MBNL3: variants seen among roughly 807,000 people sequenced by gnomAD.
The protein encoded by MBNL3 is muscleblind-like protein 3.
In MBNL3, 6 loss-of-function variants were observed where a neutral mutation model predicts 24.5. The ratio of observed to expected loss-of-function variants is 0.25; its 90% CI spans 0.13 to 0.48. MBNL3 has a LOEUF of 0.48. Among genes scored for constraint, MBNL3 ranks in the 20% least tolerant of loss-of-function variants. MBNL3 has a pLI of 0.99. For missense variants in MBNL3, 230 were observed against 293.5 expected, an observed-to-expected ratio of 0.78 and a Z score of 1.58; for synonymous variants, 100 against 101.7, an observed-to-expected ratio of 0.98 and a Z score of 0.10.
At chrX:132,382,407 G>T in intron 7 of MBNL3, 135 bp from the exon 8 acceptor site, 2 of 428,159 alleles carry the variant, frequency 4.7e-6, no homozygotes, top group Non-Finnish European at 8.1e-6. Context: ...AATACATCAG[G>T]GTGTTCATGC....
intron 1 of MBNL3, among the ~76,000 whole-genome samples, chrX:132,454,239 AC>A (rs753334899): frequency 2.7e-4 from 29 of 109,130 alleles, no homozygotes; most frequent in Non-Finnish European, 4.9e-4. Flanking sequence ...ACACACACAC[AC>A]ACACACATAC....
In MBNL3 at chrX:132,379,160, C is replaced by T. The variant is rs1934423514; in HGVS notation, c.*506G>A. On this transcript the variant is annotated 3_prime_UTR_variant, in exon 9 of 9. Coordinates refer to ENST00000370853, the MANE Select transcript of MBNL3 (RefSeq NM_001386889.1). ...ACCACACATATACAGCAAAACACTA[C>T]AGTATGTAAAAACCTAACACAGCAC... 1 of 112,977 alleles carries T rather than the reference C, an allele frequency of 8.9e-6. No homozygotes were observed. The highest frequency in any genetic ancestry group is 9.4e-5 in the Admixed American group (1 of 10,610). 9.3% of individuals were successfully genotyped at this position (112,977 alleles called of 1,213,427 possible).
Position 132,375,115 on chromosome X carries a change from C to T in MBNL3, c.*4551G>A, listed in dbSNP as rs1411893712. ...CCTTTGGGATTAAAAAAGAACTCAACCATGTCTGTTTTCATAGTTTTGAGC... is the reference window on the plus strand; with the variant it reads ...CCTTTGGGATTAAAAAAGAACTCAATCATGTCTGTTTTCATAGTTTTGAGC... On this transcript the variant is annotated 3_prime_UTR_variant, in exon 9 of 9. Transcript: ENST00000370853. 2 of 111,210 alleles carry T rather than the reference C, an allele frequency of 1.8e-5. No individual in the cohort carries two copies. Among genetic ancestry groups the T allele is most frequent in the African/African-American group, 6.5e-5 (2 of 30,696 alleles). The allele number at this position is 111,210 out of a possible 1,213,427, so 9.2% of individuals were successfully genotyped here.
chrX:132,420,180 G>T (rs760106555), intron 2 of MBNL3, among the ~76,000 whole-genome samples: 1 of 112,100 alleles, frequency 8.9e-6, no homozygotes, highest in East Asian at 2.8e-4. Context: ...GTGGAACCCA[G>T]CAACTAGTGT....
At chrX:132,436,792 T>G (rs1336133530) in intron 2 of MBNL3, among the ~76,000 whole-genome samples, 1 of 112,286 alleles carries the variant, frequency 8.9e-6, no homozygotes, top group Non-Finnish European at 1.9e-5. Flanking sequence ...TTGTTTAATG[T>G]GCTATCTAAA....
chrX:132,389,007 G>A, intron 5 of MBNL3, among the ~76,000 whole-genome samples: 1 of 111,407 alleles, frequency 9.0e-6, no homozygotes, highest in Admixed American at 9.6e-5. Flanking sequence ...ACAATTGAAG[G>A]CCTATGATAT....
intron 1 of MBNL3, among the ~76,000 whole-genome samples, chrX:132,471,495 C>T (rs2770688): frequency 3.6e-5 from 4 of 110,431 alleles, no homozygotes; most frequent in Admixed American, 1.9e-4. Flanking sequence ...GACCAGCCTG[C>T]GCAACATAGC....
intron 2 of MBNL3, among the ~76,000 whole-genome samples, chrX:132,434,237 C>A (rs1944973316): frequency 8.9e-6 from 1 of 112,138 alleles, no homozygotes; most frequent in African/African-American, 3.2e-5. Context: ...ACTGCTCACT[C>A]TCCAGTGTTC....
At chrX:132,472,349 G>A (rs1329853751) in intron 1 of MBNL3, among the ~76,000 whole-genome samples, 4 of 112,000 alleles carry the variant, frequency 3.6e-5, no homozygotes, top group African/African-American at 6.5e-5. Flanking sequence ...ACAGACACAA[G>A]AGAAATTGAT....
intron 2 of MBNL3, among the ~76,000 whole-genome samples, chrX:132,436,741 C>T (rs897536191): frequency 1.8e-5 from 2 of 112,079 alleles, no homozygotes; most frequent in Admixed American, 1.9e-4. Context: ...TCATGCATGT[C>T]ATGGATAAGA....
intron 2 of MBNL3, chrX:132,429,833 T>C (rs1035311264): frequency 3.6e-5 from 4 of 111,877 alleles, no homozygotes; most frequent in Admixed American, 1.9e-4. Flanking sequence ...TGAATAATGA[T>C]TGGAAGAACG....
chrX:132,427,210 A>T (rs1379980668), intron 2 of MBNL3, among the ~76,000 whole-genome samples: 1 of 112,009 alleles, frequency 8.9e-6, no homozygotes, highest in African/African-American at 3.2e-5. Context: ...GGTATTTTCC[A>T]AAACTACTTC....
intron 2 of MBNL3, among the ~76,000 whole-genome samples, chrX:132,433,798 C>G (rs1479416623): frequency 9.0e-6 from 1 of 111,003 alleles, no homozygotes; most frequent in Non-Finnish European, 1.9e-5. Flanking sequence ...CTTCATGGCT[C>G]TGCTCCAGCC....
chrX:132,463,012 G>A (rs868745427), intron 1 of MBNL3, among the ~76,000 whole-genome samples: 2 of 111,839 alleles, frequency 1.8e-5, no homozygotes, highest in Non-Finnish European at 3.8e-5. Flanking sequence ...TTTGAATAAC[G>A]TAAAGAATCA....
At chrX:132,389,916 C>T (rs867732490) in intron 5 of MBNL3, among the ~76,000 whole-genome samples, 1 of 110,302 alleles carries the variant, frequency 9.1e-6, no homozygotes. Flanking sequence ...CTCTGGGCTG[C>T]GCACGGTAGC....
rs1934257181 is a variant in MBNL3 at position 132,377,587 on chromosome X, A to G, written c.*2079T>C. 1 of 111,214 alleles carries G rather than the reference A, an allele frequency of 9.0e-6. No individual in the cohort carries two copies. Among genetic ancestry groups the G allele is most frequent in the Admixed American group, 9.6e-5 (1 of 10,449 alleles). The allele number at this position is 111,214 out of a possible 1,213,427, so 9.2% of individuals were successfully genotyped here. On this transcript the variant is annotated 3_prime_UTR_variant, in exon 9 of 9. Transcript: ENST00000370853. Reference sequence around the variant, plus strand: ...CATCAAATGTTCTGAAGCAAAAACAATGTGAAAAGGAGGAACAATGGGAAG... The same window carrying G: ...CATCAAATGTTCTGAAGCAAAAACAGTGTGAAAAGGAGGAACAATGGGAAG...
chrX:132,482,928 G>A (rs138928841), intron 1 of MBNL3, among the ~76,000 whole-genome samples: 52 of 111,616 alleles, frequency 4.7e-4, no homozygotes, highest in Non-Finnish European at 7.5e-4. Context: ...ACACAGGCAT[G>A]GTACCCCAGT....
Position 132,392,236 on chromosome X carries a change from A to G in MBNL3, c.441T>C (p.Leu147=), listed in dbSNP as rs766658751. 2.5e-6 allele frequency: 3 copies of G among 1,210,582 alleles called. No homozygotes were observed. Among genetic ancestry groups the G allele is most frequent in the Non-Finnish European group, 3.4e-6 (3 of 894,500 alleles). Residue 147 remains leucine (L), a synonymous_variant, in exon 4 of 9, where the codon CTT becomes CTC. Transcript: ENST00000370853. ...GAATCAGAACAGGTGTATTTGGTAC[A>G]AGTTCTGCAGGAACGAGGCCCATCC... The part of the protein sequence containing the change: ...HPGMGLVPAE[L]VPNTPVLIPG...
chrX:132,472,496 G>A (rs530716516), intron 1 of MBNL3, among the ~76,000 whole-genome samples: 42 of 111,796 alleles, frequency 3.8e-4, no homozygotes, highest in African/African-American at 1.3e-3. Flanking sequence ...AATGCAGCTG[G>A]GCAGAGATGG....
Sources: gnomAD v4.1 joint callset for allele counts (sites outside exome capture counted in the v4.1 genomes callset) on GRCh38, gnomAD v4.1.1 for gene constraint, MANE v1.5 for transcripts, NCBI Gene and HGNC (gene_info 2026-07-23, HGNC 2026-07-21) for gene names.